The following SV2C variants were observed in gnomAD, a reference collection of about 807,000 sequenced individuals.
The protein encoded by SV2C is solute carrier family 22 member B3.
In SV2C, 49 loss-of-function variants were observed where a neutral mutation model predicts 79.7. The ratio of observed to expected loss-of-function variants is 0.61; its 90% CI spans 0.49 to 0.78. The LOEUF is 0.78. Among genes scored for constraint, SV2C ranks in the 30% least tolerant of loss-of-function variants. The probability of loss-of-function intolerance (pLI) is 0.00; values close to 1 mark genes in which losing one functional copy is unlikely to be tolerated. For synonymous variants in SV2C, 334 were observed against 333.2 expected, an observed-to-expected ratio of 1.00 and a Z score of -0.03; for missense variants, 833 against 912.9, an observed-to-expected ratio of 0.91 and a Z score of 1.13.
At chr5:75,952,876 C>T in the SV2C span, among the ~76,000 whole-genome samples, 1 of 151,956 alleles carries the variant, frequency 6.6e-6, no homozygotes, top group Non-Finnish European at 1.5e-5. Context: ...ATTATAATGC[C>T]TCACAAATTT....
chr5:75,996,848 T>G, the SV2C span, among the ~76,000 whole-genome samples: 1 of 140,448 alleles, frequency 7.1e-6, no homozygotes, highest in South Asian at 2.2e-4. Context: ...TCCTGAGACT[T>G]TGCTGAAGTT....
the SV2C span, among the ~76,000 whole-genome samples, chr5:75,948,536 A>T: frequency 4.6e-5 from 7 of 151,998 alleles, no homozygotes; most frequent in African/African-American, 1.4e-4. Flanking sequence ...AGGAGAAACA[A>T]AGCAGGATAA....
At chr5:75,978,083 C>G in the SV2C span, among the ~76,000 whole-genome samples, 1 of 152,118 alleles carries the variant, frequency 6.6e-6, no homozygotes, top group Non-Finnish European at 1.5e-5. Context: ...AGCATTTGCC[C>G]CCTACCACTT....
the SV2C span, among the ~76,000 whole-genome samples, chr5:75,963,585 A>G: frequency 3.3e-5 from 5 of 151,716 alleles, no homozygotes; most frequent in South Asian, 8.3e-4. Context: ...GCTTTTATAT[A>G]TTTTTTACTT....
the SV2C span, among the ~76,000 whole-genome samples, chr5:76,007,150 C>T: frequency 2.4e-4 from 37 of 152,138 alleles, no homozygotes; most frequent in Admixed American, 4.6e-4. Flanking sequence ...GCTCTAGAGT[C>T]TATGCAGTGA....
the SV2C span, among the ~76,000 whole-genome samples, chr5:75,934,839 A>C: frequency 6.6e-6 from 1 of 150,944 alleles, no homozygotes; most frequent in South Asian, 2.1e-4. Context: ...TAGTGAGCAC[A>C]TATTGATGCT....
chr5:76,295,121 C>T (rs540048474), intron 8 of SV2C, among the ~76,000 whole-genome samples: 1 of 152,308 alleles, frequency 6.6e-6, no homozygotes, highest in East Asian at 1.9e-4. Flanking sequence ...CAAAATACCA[C>T]AACAGGTAAT....
At chr5:76,065,572 TAAG>T in the SV2C span, among the ~76,000 whole-genome samples, 4 of 152,188 alleles carry the variant, frequency 2.6e-5, no homozygotes, top group East Asian at 7.7e-4. Flanking sequence ...CATAGAGAAA[TAAG>T]AAATAATCTT....
intron 2 of SV2C, among the ~76,000 whole-genome samples, chr5:76,183,485 A>G (rs1743817542): frequency 6.6e-6 from 1 of 152,006 alleles, no homozygotes; most frequent in African/African-American, 2.4e-5. Flanking sequence ...GGGCATGACA[A>G]ATATCCAAAG....
At chr5:76,144,508 G>C (rs532109147) in intron 2 of SV2C, among the ~76,000 whole-genome samples, 1 of 152,294 alleles carries the variant, frequency 6.6e-6, no homozygotes, top group East Asian at 1.9e-4. Context: ...CCTCTTCCTT[G>C]AAGGAGCTCC....
chr5:75,907,040 A>G, the SV2C span, among the ~76,000 whole-genome samples: 1 of 152,326 alleles, frequency 6.6e-6, no homozygotes, highest in Admixed American at 6.5e-5. Flanking sequence ...GAGATGTTTC[A>G]AGAGGACTCC....
intron 2 of SV2C, among the ~76,000 whole-genome samples, chr5:76,169,392 A>G (rs1181810881): frequency 2.6e-5 from 4 of 152,158 alleles, no homozygotes; most frequent in Non-Finnish European, 5.9e-5. Flanking sequence ...ATTCACAGGA[A>G]CCCTCTTAGT....
Position 76,167,628 on chromosome 5 carries a change from C to T in SV2C, c.581-27291C>T, listed in dbSNP as rs140833256. ...TCATGAGAACTCTATGAAGAAAGGA[C>T]TGTTATTATCTTGATTTTACAATTG... On this transcript the variant is annotated intron_variant, in intron 2 of 12. Transcript: ENST00000502798. 1.4e-4 allele frequency among the ~76,000 whole-genome samples: 22 copies of T among 152,240 alleles called. No individual in the cohort carries two copies. The East Asian group carries it at 4.2e-3, about 29-fold the overall frequency.
chr5:76,312,576 C>T (rs1457247959), intron 12 of SV2C, among the ~76,000 whole-genome samples: 2 of 152,186 alleles, frequency 1.3e-5, no homozygotes, highest in African/African-American at 4.8e-5. Flanking sequence ...TTTACCCCTC[C>T]TCCGTGGCGC....
chr5:76,136,273 A>G (rs183659044), intron 2 of SV2C, among the ~76,000 whole-genome samples: 189 of 152,346 alleles, frequency 1.2e-3, no homozygotes, highest in Non-Finnish European at 2.1e-3. Flanking sequence ...AGTTTTCAGG[A>G]CAGGAGTTTT....
chr5:76,337,933 C>T (rs1056439918), downstream of SV2C, among the ~76,000 whole-genome samples: 1 of 152,224 alleles, frequency 6.6e-6, no homozygotes, highest in African/African-American at 2.4e-5. Context: ...GTGAGCCTGT[C>T]CCCAGGGGAA....
chr5:76,270,363 G>A (rs1003914877), intron 4 of SV2C, among the ~76,000 whole-genome samples: 3 of 152,194 alleles, frequency 2.0e-5, no homozygotes, highest in Non-Finnish European at 4.4e-5. Context: ...TTGGGGGAAA[G>A]CCCCGTTCCT....
chr5:75,895,344 C>A, the SV2C span, among the ~76,000 whole-genome samples: 17 of 152,192 alleles, frequency 1.1e-4, no homozygotes, highest in African/African-American at 4.1e-4. Flanking sequence ...ATTAGACTTA[C>A]TATACAAAGA....
At chr5:76,193,312 G>A (rs1301249652) in intron 2 of SV2C, among the ~76,000 whole-genome samples, 1 of 152,150 alleles carries the variant, frequency 6.6e-6, no homozygotes, top group Admixed American at 6.6e-5. Context: ...GGGAAAGGTG[G>A]TAGGAGGAAT....
Sources: allele counts gnomAD v4.1 joint callset (sites outside exome capture counted in the v4.1 genomes callset), GRCh38; gene constraint gnomAD v4.1.1; transcripts MANE v1.5; gene names NCBI Gene and HGNC (gene_info 2026-07-23, HGNC 2026-07-21).